Variants in KCNC2 observed in about 807,000 individuals in gnomAD.
KCNC2 encodes the protein voltage-gated potassium channel KCNC2.
KCNC2 carries 21 observed loss-of-function variants against 44.5 expected under a neutral mutation model. The observed-to-expected ratio is 0.47, with a 90% CI of 0.33 to 0.68. The LOEUF (loss-of-function observed/expected upper bound fraction) is 0.68. KCNC2 is among the 30% of genes least tolerant of loss of function. KCNC2 has a pLI of 0.01. For missense variants in KCNC2, 589 were observed against 826.2 expected, an observed-to-expected ratio of 0.71 and a Z score of 3.52; for synonymous variants, 391 against 339.1, an observed-to-expected ratio of 1.15 and a Z score of -1.68.
At chr12:75,162,580 G>T (rs960041696) in intron 2 of KCNC2, among the ~76,000 whole-genome samples, 8 of 151,626 alleles carry the variant, frequency 5.3e-5, no homozygotes, top group African/African-American at 1.9e-4. Context: ...ACATCCTTTT[G>T]CCCTGACTGA....
intron 2 of KCNC2, among the ~76,000 whole-genome samples, chr12:75,193,546 G>A (rs970424703): frequency 6.6e-6 from 1 of 152,078 alleles, no homozygotes; most frequent in Non-Finnish European, 1.5e-5. Context: ...ATAGAGTAGG[G>A]AATCAACAGA....
intron 2 of KCNC2, among the ~76,000 whole-genome samples, chr12:75,161,769 A>C (rs1306498137): frequency 6.6e-6 from 1 of 151,656 alleles, no homozygotes; most frequent in Non-Finnish European, 1.5e-5. Flanking sequence ...ATATATATTT[A>C]CTCTCAATTT....
chr12:75,204,345 A>T (rs1208804440), intron 2 of KCNC2, among the ~76,000 whole-genome samples: 3 of 152,068 alleles, frequency 2.0e-5, no homozygotes, highest in Non-Finnish European at 2.9e-5. Context: ...GCAAAATTCA[A>T]TTAATTATTC....
At chr12:75,182,906 G>C (rs2137657622) in intron 2 of KCNC2, among the ~76,000 whole-genome samples, 1 of 152,328 alleles carries the variant, frequency 6.6e-6, no homozygotes, top group South Asian at 2.1e-4. Flanking sequence ...GAGGACAAGA[G>C]ATTGCGGGCT....
At chr12:75,125,380 T>C (rs957758632) in intron 2 of KCNC2, among the ~76,000 whole-genome samples, 8 of 152,208 alleles carry the variant, frequency 5.3e-5, no homozygotes, top group African/African-American at 1.9e-4. Flanking sequence ...TTTTGACTTA[T>C]GAACCAATGA....
At chr12:75,086,673 A>ATATATATAT (rs1272020683) in intron 2 of KCNC2, among the ~76,000 whole-genome samples, 3 of 62,006 alleles carry the variant, frequency 4.8e-5, no homozygotes, top group African/African-American at 2.8e-4. Flanking sequence ...AAAAAAAAAA[A>ATATATATAT]AAAAAAAAAT....
chr12:75,120,115 G>T (rs1478531233), intron 2 of KCNC2, among the ~76,000 whole-genome samples: 1 of 152,190 alleles, frequency 6.6e-6, no homozygotes. Flanking sequence ...AGAAGGCTAA[G>T]TCTCTCATGA....
At chr12:75,072,345 T>C (rs1248988884) in intron 2 of KCNC2, among the ~76,000 whole-genome samples, 1 of 152,176 alleles carries the variant, frequency 6.6e-6, no homozygotes, top group African/African-American at 2.4e-5. Flanking sequence ...CTCTGGTAAG[T>C]AAATCTAATA....
rs1472938628 is a variant in KCNC2 at position 75,209,527 on chromosome 12, T to A, written c.-340A>T. The A allele has an allele frequency of 2.0e-5, 3 of 152,240 alleles. No homozygotes were observed. Among genetic ancestry groups the A allele is most frequent in the Non-Finnish European group, 4.4e-5 (3 of 68,094 alleles). 9.4% of individuals were successfully genotyped at this position (152,240 alleles called of 1,614,324 possible). On this transcript the variant is annotated 5_prime_UTR_variant, in exon 1 of 5. Coordinates refer to ENST00000549446, the MANE Select transcript of KCNC2 (RefSeq NM_139137.4). ...AGCTCGGGGCGGGTCCAGCCGGCAC[T>A]GCCCGACCCCTCCGGGAGCGGGCAG...
At chr12:75,140,369 C>A (rs1249811468) in intron 2 of KCNC2, among the ~76,000 whole-genome samples, 1 of 151,916 alleles carries the variant, frequency 6.6e-6, no homozygotes, top group African/African-American at 2.4e-5. Context: ...TTGTCAGGGA[C>A]CATTATTATT....
chr12:75,096,268 G>A (rs907855458), intron 2 of KCNC2, among the ~76,000 whole-genome samples: 8 of 151,890 alleles, frequency 5.3e-5, no homozygotes, highest in Non-Finnish European at 7.4e-5. Context: ...AAACTCAGGC[G>A]AATGAACTAG....
At chr12:75,171,253 T>C in intron 2 of KCNC2, among the ~76,000 whole-genome samples, 1 of 151,782 alleles carries the variant, frequency 6.6e-6, no homozygotes, top group East Asian at 1.9e-4. Flanking sequence ...CTTTGCCAGG[T>C]AATGTAACCT....
rs988472788 is a variant in KCNC2 at position 75,106,605 on chromosome 12, T to C, written c.688-55288A>G. ...TGAAGGTATAGGTAATGGATGCATA[T>C]AGATACATAGAATCATACACAGGTT... On this transcript the variant is annotated intron_variant, in intron 2 of 4. Coordinates refer to ENST00000549446, the MANE Select transcript of KCNC2 (RefSeq NM_139137.4). 1.1e-4 allele frequency among the ~76,000 whole-genome samples: 16 copies of C among 152,252 alleles called. 1 individual carries two copies. The highest frequency in any genetic ancestry group is 9.8e-4 in the Admixed American group (15 of 15,290).
Position 75,203,539 on chromosome 12 carries a change from T to C in KCNC2, c.687+3758A>G, listed in dbSNP as rs577700925. Among the ~76,000 whole-genome samples the C allele has an allele frequency of 1.1e-4, 17 of 152,036 alleles. No homozygotes were observed. The South Asian group carries it at 3.5e-3, about 31-fold the overall frequency. On this transcript the variant is annotated intron_variant, in intron 2 of 4. Transcript: ENST00000549446. ...ATGAGATAAAGGTCAGGGGAATGTA[T>C]GTGAAAGAGCTAGAAACACATCAAA... is the stretch of plus-strand genomic sequence containing the variant.
intron 2 of KCNC2, among the ~76,000 whole-genome samples, chr12:75,070,746 T>C (rs6582275): frequency 0.16 from 25,023 of 151,882 alleles, 2,415 homozygotes; most frequent in Admixed American, 0.26. Context: ...ATCTTTTTAG[T>C]TTAGAGACAC....
At chr12:75,178,002 T>C (rs914763706) in intron 2 of KCNC2, among the ~76,000 whole-genome samples, 1 of 152,048 alleles carries the variant, frequency 6.6e-6, no homozygotes, top group African/African-American at 2.4e-5. Context: ...CCTTGTCCAA[T>C]AATTTGAGTG....
chr12:75,136,832 C>A (rs1455254753), intron 2 of KCNC2, among the ~76,000 whole-genome samples: 1 of 152,130 alleles, frequency 6.6e-6, no homozygotes, highest in Admixed American at 6.6e-5. Context: ...TTTTATGAAG[C>A]AGTATCACCC....
intron 2 of KCNC2, among the ~76,000 whole-genome samples, chr12:75,098,778 A>AAATAAAT (rs138469764): frequency 2.6e-5 from 4 of 151,546 alleles, no homozygotes; most frequent in Admixed American, 6.6e-5. Flanking sequence ...ATAAATAAAT[A>AAATAAAT]AATAAATAAA....
chr12:75,185,289 G>C (rs1892862610), intron 2 of KCNC2, among the ~76,000 whole-genome samples: 1 of 152,082 alleles, frequency 6.6e-6, no homozygotes, highest in South Asian at 2.1e-4. Context: ...CAATTTCTCT[G>C]TATTTTGGAA....
Sources: allele counts gnomAD v4.1 joint callset (sites outside exome capture counted in the v4.1 genomes callset), GRCh38; gene constraint gnomAD v4.1.1; transcripts MANE v1.5; gene names NCBI Gene and HGNC (gene_info 2026-07-23, HGNC 2026-07-21).